SEMA5A: variants seen among roughly 807,000 people sequenced by gnomAD.
SEMA5A encodes semaphorin-5A.
Under a neutral mutation model 135.5 loss-of-function variants are expected in SEMA5A, and 55 were observed. That is an observed-to-expected ratio of 0.41 (90% CI 0.33 to 0.51). The LOEUF (loss-of-function observed/expected upper bound fraction) is 0.51, where lower values mean the gene tolerates loss of function less well. Among genes scored for constraint, SEMA5A ranks in the 20% least tolerant of loss-of-function variants. The pLI is 0.37. For synonymous variants in SEMA5A, 580 were observed against 546.5 expected, an observed-to-expected ratio of 1.06 and a Z score of -0.85; for missense variants, 1,290 against 1,419.9, an observed-to-expected ratio of 0.91 and a Z score of 1.47.
At chr5:9,317,826 C>T (rs1029672939) in intron 5 of SEMA5A, among the ~76,000 whole-genome samples, 6 of 152,124 alleles carry the variant, frequency 3.9e-5, no homozygotes, top group African/African-American at 1.4e-4. Context: ...AGATCTGCTA[C>T]TAAAATAAAT....
intron 11 of SEMA5A, among the ~76,000 whole-genome samples, chr5:9,155,941 T>C (rs868857401): frequency 6.6e-6 from 1 of 152,242 alleles, no homozygotes; most frequent in Non-Finnish European, 1.5e-5. Context: ...GTAGACAGTA[T>C]TGGCAAACAA....
chr5:9,044,948 C>T (rs1736170502), intron 21 of SEMA5A, among the ~76,000 whole-genome samples: 1 of 152,024 alleles, frequency 6.6e-6, no homozygotes, highest in Non-Finnish European at 1.5e-5. Flanking sequence ...CCATGCCTGG[C>T]TAATTTTGTA....
chr5:9,305,611 C>G (rs768046569), intron 5 of SEMA5A, among the ~76,000 whole-genome samples: 1 of 151,414 alleles, frequency 6.6e-6, no homozygotes, highest in Admixed American at 6.6e-5. Context: ...CAAAAGTGTA[C>G]GCCAAAACCC....
intron 5 of SEMA5A, among the ~76,000 whole-genome samples, chr5:9,249,025 G>C (rs766942301): frequency 4.1e-4 from 62 of 152,180 alleles, no homozygotes; most frequent in African/African-American, 1.4e-3. Context: ...ACACTCAAGC[G>C]AGTTTAGGAG....
intron 2 of SEMA5A, among the ~76,000 whole-genome samples, chr5:9,409,767 C>CG (rs1338376824): frequency 1.3e-5 from 2 of 151,960 alleles, no homozygotes; most frequent in African/African-American, 4.8e-5. Context: ...GGCATTAGAT[C>CG]GGGGGGCTGT....
At chr5:9,303,488 G>T (rs1048549243) in intron 5 of SEMA5A, among the ~76,000 whole-genome samples, 2 of 152,032 alleles carry the variant, frequency 1.3e-5, no homozygotes, top group South Asian at 2.1e-4. Flanking sequence ...CTTCCCAAAA[G>T]ATACCATTAA....
At chr5:9,399,896 G>C (rs1487829476) in intron 2 of SEMA5A, among the ~76,000 whole-genome samples, 1 of 152,040 alleles carries the variant, frequency 6.6e-6, no homozygotes, top group Admixed American at 6.6e-5. Flanking sequence ...CCATTAGCTT[G>C]ACATAGATGG....
intron 5 of SEMA5A, among the ~76,000 whole-genome samples, chr5:9,253,984 C>T (rs1316050159): frequency 1.3e-5 from 2 of 152,092 alleles, no homozygotes; most frequent in Admixed American, 1.3e-4. Context: ...CCTTGAGGTT[C>T]AGTAATGTTT....
At chr5:9,346,575 C>A (rs1753878960) in intron 3 of SEMA5A, among the ~76,000 whole-genome samples, 1 of 152,184 alleles carries the variant, frequency 6.6e-6, no homozygotes. Flanking sequence ...TTGGCTCCTG[C>A]CAGCATCCAA....
intron 2 of SEMA5A, among the ~76,000 whole-genome samples, chr5:9,416,418 C>A (rs1007668226): frequency 1.3e-5 from 2 of 152,112 alleles, no homozygotes; most frequent in South Asian, 2.1e-4. Flanking sequence ...CACTTCCCAG[C>A]AATTAGATCC....
intron 1 of SEMA5A, among the ~76,000 whole-genome samples, chr5:9,456,337 C>T (rs968207142): frequency 3.3e-5 from 5 of 152,206 alleles, no homozygotes; most frequent in African/African-American, 1.2e-4. Context: ...AGACAAGCGT[C>T]TGGGTGCAGA....
intron 1 of SEMA5A, among the ~76,000 whole-genome samples, chr5:9,441,448 C>A (rs186095698): frequency 6.6e-6 from 1 of 152,146 alleles, no homozygotes; most frequent in East Asian, 1.9e-4. Context: ...ACGCCAGCAC[C>A]ATGGTGAGTT....
chr5:9,244,210 T>C (rs895206934), intron 5 of SEMA5A, among the ~76,000 whole-genome samples: 2 of 152,218 alleles, frequency 1.3e-5, no homozygotes, highest in African/African-American at 4.8e-5. Context: ...AATGTCCTGC[T>C]TTCAAAATTC....
intron 22 of SEMA5A, among the ~76,000 whole-genome samples, chr5:9,044,152 G>C (rs1356404279): frequency 6.6e-6 from 1 of 152,184 alleles, no homozygotes; most frequent in Non-Finnish European, 1.5e-5. Context: ...GTGGAGAATA[G>C]AGGCCACATG....
At chr5:9,469,990 T>A (rs1759417161) in intron 1 of SEMA5A, among the ~76,000 whole-genome samples, 1 of 151,958 alleles carries the variant, frequency 6.6e-6, no homozygotes, top group Non-Finnish European at 1.5e-5. Flanking sequence ...ATTTGTGAAA[T>A]GAAAAAGAGG....
intron 16 of SEMA5A, among the ~76,000 whole-genome samples, chr5:9,093,383 A>G (rs1739139927): frequency 1.3e-5 from 2 of 152,226 alleles, no homozygotes; most frequent in East Asian, 3.9e-4. Context: ...AAGTTGGTAC[A>G]GGTCTAATTA....
intron 1 of SEMA5A, among the ~76,000 whole-genome samples, chr5:9,442,445 C>T (rs553820266): frequency 1.3e-5 from 2 of 152,282 alleles, no homozygotes; most frequent in African/African-American, 2.4e-5. Context: ...TCCAGCTATG[C>T]ACCTTTTCCA....
chr5:9,371,022 T>C (rs1470413708), intron 3 of SEMA5A, among the ~76,000 whole-genome samples: 1 of 152,202 alleles, frequency 6.6e-6, no homozygotes, highest in Non-Finnish European at 1.5e-5. Context: ...ATGGAAACAC[T>C]ATTTTAAATC....
intron 1 of SEMA5A, among the ~76,000 whole-genome samples, chr5:9,520,480 G>A (rs567480694): frequency 6.6e-6 from 1 of 152,238 alleles, no homozygotes; most frequent in South Asian, 2.1e-4. Flanking sequence ...AGAAGGTGAG[G>A]GTGGGTAGGG....
Sources: gnomAD v4.1 joint callset for allele counts (sites outside exome capture counted in the v4.1 genomes callset) on GRCh38, gnomAD v4.1.1 for gene constraint, MANE v1.5 for transcripts, NCBI Gene and HGNC (gene_info 2026-07-23, HGNC 2026-07-21) for gene names.